LOXL2: variants seen among roughly 807,000 people sequenced by gnomAD.
The protein encoded by LOXL2 is lysyl oxidase like 2, also known as lysyl oxidase homolog 2.
LOXL2 carries 70 observed loss-of-function variants against 93.0 expected under a neutral mutation model. The ratio of observed to expected loss-of-function variants is 0.75; its 90% CI spans 0.62 to 0.92. LOXL2 has a LOEUF of 0.92. Among genes scored for constraint, LOXL2 ranks in the 40% least tolerant of loss-of-function variants. The pLI is 0.00. For synonymous variants in LOXL2, 438 were observed against 413.2 expected (o/e 1.06, Z -0.73); for missense variants, 973 against 1,054.9 (o/e 0.92, Z 1.08).
intron 3 of LOXL2, among the ~76,000 whole-genome samples, chr8:23,357,445 G>A (rs1804218682): frequency 6.6e-6 from 1 of 152,072 alleles, no homozygotes; most frequent in Non-Finnish European, 1.5e-5. Context: ...TTTCGCCCTG[G>A]AATTATTAAG....
chr8:23,362,834 A>AT (rs1206804898), intron 2 of LOXL2, among the ~76,000 whole-genome samples: 6 of 152,104 alleles, frequency 3.9e-5, no homozygotes, highest in African/African-American at 7.2e-5. Flanking sequence ...TCAAATAGTG[A>AT]TTTTTATAAG....
intron 10 of LOXL2, among the ~76,000 whole-genome samples, chr8:23,308,987 TATA>T (rs773576755): frequency 1.5e-5 from 2 of 137,904 alleles, no homozygotes; most frequent in Non-Finnish European, 3.2e-5. Context: ...TATATATATA[TATA>T]TTTTTTTTTT....
rs140291746 is a variant in LOXL2 at position 23,342,102 on chromosome 8, G to A, written c.532-899C>T. 7.1e-3 allele frequency among the ~76,000 whole-genome samples: 1,078 copies of A among 152,260 alleles called. 5 individuals carry two copies. The highest frequency in any genetic ancestry group is 0.012 in the Non-Finnish European group (790 of 68,020). On this transcript the variant is annotated intron_variant, in intron 3 of 13. Coordinates refer to ENST00000389131, the MANE Select transcript of LOXL2 (RefSeq NM_002318.3). ...GGAGGGGCATGGGCGAGAGGAAGGC[G>A]CCTGCCTCCCTGCCACGTGGGTGTT...
intron 5 of LOXL2, among the ~76,000 whole-genome samples, chr8:23,332,919 A>AG (rs372915772): frequency 6.8e-6 from 1 of 146,628 alleles, no homozygotes; most frequent in Non-Finnish European, 1.5e-5. Context: ...CCCCCCACAG[A>AG]GGGGGGGTGT....
At chr8:23,332,573 C>T (rs1273064957) in intron 5 of LOXL2, among the ~76,000 whole-genome samples, 7 of 126,978 alleles carry the variant, frequency 5.5e-5, no homozygotes. Flanking sequence ...CACACACACC[C>T]ACGCACACAT....
At chr8:23,345,008 G>A (rs1211381113) in intron 3 of LOXL2, among the ~76,000 whole-genome samples, 2 of 152,140 alleles carry the variant, frequency 1.3e-5, no homozygotes, top group Non-Finnish European at 2.9e-5. Context: ...TGACAGCTAT[G>A]GGCATCATTT....
intron 3 of LOXL2, among the ~76,000 whole-genome samples, chr8:23,351,029 A>G (rs780964344): frequency 8.5e-5 from 13 of 152,170 alleles, no homozygotes; most frequent in Non-Finnish European, 1.5e-4. Context: ...TCACCATGGT[A>G]ACACAGTCAT....
intron 2 of LOXL2, among the ~76,000 whole-genome samples, chr8:23,367,301 C>T (rs763829183): frequency 4.6e-5 from 7 of 152,108 alleles, no homozygotes; most frequent in Non-Finnish European, 8.8e-5. Flanking sequence ...ATCCCGCCTC[C>T]GTCTCCCAAA....
intron 4 of LOXL2, among the ~76,000 whole-genome samples, chr8:23,335,646 C>T (rs563201332): frequency 1.3e-5 from 2 of 152,120 alleles, no homozygotes; most frequent in South Asian, 2.1e-4. Context: ...TTTTCAGGGC[C>T]CGTGTGCTTG....
chr8:23,319,915 C>T lies in LOXL2; in HGVS notation c.1440G>A (p.Leu480=), dbSNP rs757244463. 6.2e-7 allele frequency: 1 copy of T among 1,613,818 alleles called. No individual in the cohort carries two copies. The highest frequency in any genetic ancestry group is 1.3e-5 in the African/African-American group (1 of 74,914). The part of the protein sequence containing the change: ...IVEAMVVCRQ[L]GLGFASNAFQ... ...AGGCGTTGCTGGCGAATCCCAGGCC[C>T]AGCTGGCGGCAGACCACCATGGCCT... Residue 480 remains leucine (L), a synonymous_variant, in exon 8 of 14, where the codon CTG becomes CTA. Transcript: ENST00000389131.
At chr8:23,298,373 C>G (rs984627711) in intron 13 of LOXL2, among the ~76,000 whole-genome samples, 2 of 152,262 alleles carry the variant, frequency 1.3e-5, no homozygotes, top group African/African-American at 4.8e-5. Flanking sequence ...AGGCCCATGA[C>G]TTTTCCTGCA....
At chr8:23,347,384 A>G (rs67831000) in intron 3 of LOXL2, among the ~76,000 whole-genome samples, 43,742 of 151,670 alleles carry the variant, frequency 0.29, 8,127 homozygotes, top group African/African-American at 0.53. Flanking sequence ...TAGGTGGGGC[A>G]CGGTGGCTCA....
chr8:23,398,064 C>T (rs960736949), intron 1 of LOXL2, among the ~76,000 whole-genome samples: 2 of 151,708 alleles, frequency 1.3e-5, no homozygotes, highest in Non-Finnish European at 2.9e-5. Context: ...ACTACATCTT[C>T]GAGTCATGCA....
intron 6 of LOXL2, among the ~76,000 whole-genome samples, chr8:23,324,115 GT>G: frequency 1.3e-5 from 2 of 152,330 alleles, no homozygotes; most frequent in Middle Eastern, 3.4e-3. Context: ...CTCAAACAGT[GT>G]TTGTGGATTG....
At chr8:23,337,868 G>C (rs2117177594) in intron 4 of LOXL2, among the ~76,000 whole-genome samples, 1 of 152,288 alleles carries the variant, frequency 6.6e-6, no homozygotes, top group Non-Finnish European at 1.5e-5. Context: ...AGGAGCCCCT[G>C]ACTCTACTTT....
At chr8:23,341,426 C>T (rs1346103679) in intron 3 of LOXL2, 4 of 578,514 alleles carry the variant, frequency 6.9e-6, no homozygotes, top group Non-Finnish European at 1.2e-5. Context: ...AAGGACCCAA[C>T]AGGGAGTGGG....
chr8:23,310,034 GGC>G, intron 9 of LOXL2, 123 bp from the exon 10 acceptor site: 1 of 1,062,872 alleles, frequency 9.4e-7, no homozygotes, highest in Non-Finnish European at 1.3e-6. Context: ...ATGACTCAAG[GGC>G]TCCTCAAGGT....
intron 1 of LOXL2, among the ~76,000 whole-genome samples, chr8:23,378,192 C>G (rs1464911674): frequency 1.3e-5 from 2 of 152,164 alleles, no homozygotes; most frequent in African/African-American, 2.4e-5. Context: ...TTCTCCTTCA[C>G]TTATGAAGCT....
intron 1 of LOXL2, 77 bp from the exon 2 acceptor site, chr8:23,368,511 C>G: frequency 1.6e-6 from 1 of 631,202 alleles, no homozygotes; most frequent in Non-Finnish European, 2.8e-6. Flanking sequence ...CGATTTCATA[C>G]CCCTTGGCTT....
Sources: gnomAD v4.1 joint callset for allele counts (sites outside exome capture counted in the v4.1 genomes callset) on GRCh38, gnomAD v4.1.1 for gene constraint, MANE v1.5 for transcripts, NCBI Gene and HGNC (gene_info 2026-07-23, HGNC 2026-07-21) for gene names.